CLIP4: variants seen among roughly 807,000 people sequenced by gnomAD.
The protein encoded by CLIP4 is CAP-Gly domain-containing linker protein 4.
A neutral mutation model predicts 73.1 loss-of-function variants in CLIP4; 47 were observed. That is an observed-to-expected ratio of 0.64 (90% CI 0.51 to 0.82). The LOEUF is 0.82. CLIP4 is among the 40% of genes least tolerant of loss of function. The probability of loss-of-function intolerance (pLI) is 0.00; values close to 1 mark genes in which losing one functional copy is unlikely to be tolerated. For synonymous variants in CLIP4, 306 were observed against 295.4 expected (o/e 1.04, Z -0.37); for missense variants, 874 against 852.9 (o/e 1.02, Z -0.31).
chr2:29,175,997 A>G lies in CLIP4; in HGVS notation c.1796+1552A>G, dbSNP rs376323494. On this transcript the variant is annotated intron_variant, in intron 15 of 15. Coordinates refer to ENST00000320081, the MANE Select transcript of CLIP4 (RefSeq NM_024692.6). ...AGGATGGTCTCGATCTCCTGACATC[A>G]TGATCTGCCCACCTTGGCCTCCCAA... Among the ~76,000 whole-genome samples, 895 of 152,300 alleles carry G rather than the reference A, an allele frequency of 5.9e-3. 3 individuals are homozygous for G. The highest frequency in any genetic ancestry group is 0.018 in the African/African-American group (729 of 41,564).
At chr2:29,170,291 T>C (rs550247337) in intron 14 of CLIP4, among the ~76,000 whole-genome samples, 1 of 152,338 alleles carries the variant, frequency 6.6e-6, no homozygotes, top group South Asian at 2.1e-4. Context: ...ATTGCTGGAT[T>C]ATATGATAGT....
chr2:29,100,467 A>G (rs1251511702), intron 1 of CLIP4, among the ~76,000 whole-genome samples: 1 of 152,052 alleles, frequency 6.6e-6, no homozygotes, highest in Non-Finnish European at 1.5e-5. Context: ...CATTAGTGTG[A>G]TACATTTGTT....
chr2:29,107,366 T>TTGTTTTTTTGTTTTTTTTTTTTTTG (rs1558504945), intron 1 of CLIP4, among the ~76,000 whole-genome samples: 2 of 107,516 alleles, frequency 1.9e-5, no homozygotes, highest in African/African-American at 8.2e-5. Flanking sequence ...TAGTTTTTTT[T>TTGTTTTTTTGTTTTTTTTTTTTTTG]TTTTTTTTTT....
At chr2:29,109,353 T>C (rs1668321581) in intron 1 of CLIP4, among the ~76,000 whole-genome samples, 1 of 152,086 alleles carries the variant, frequency 6.6e-6, no homozygotes, top group Non-Finnish European at 1.5e-5. Context: ...TTATGTAGGC[T>C]TTAAGAAGAC....
At chr2:29,181,321 C>A (rs1411242867) in intron 15 of CLIP4, among the ~76,000 whole-genome samples, 1 of 152,064 alleles carries the variant, frequency 6.6e-6, no homozygotes, top group Non-Finnish European at 1.5e-5. Flanking sequence ...TCTTGTTGTC[C>A]CAGGTGGCGG....
chr2:29,099,425 T>G (rs1161339131), intron 1 of CLIP4, among the ~76,000 whole-genome samples: 1 of 152,256 alleles, frequency 6.6e-6, no homozygotes, highest in Non-Finnish European at 1.5e-5. Context: ...CGTATGTGGT[T>G]GTCCAGTTGT....
chr2:29,157,324 C>T lies in CLIP4; in HGVS notation c.1376C>T (p.Ser459Phe). The T allele has an allele frequency of 6.2e-7, 1 of 1,614,076 alleles. No individual in the cohort carries two copies. Among genetic ancestry groups the T allele is most frequent in the Non-Finnish European group, 8.5e-7 (1 of 1,179,942 alleles). The change falls in exon 11 of 16, where the codon TCC (serine) becomes TTC (phenylalanine). Residue 459 changes from serine (S) to phenylalanine (F), a missense_variant. Physicochemically the swap from Ser to Phe is radical, Grantham distance 155 (BLOSUM62 -2). Coordinates refer to ENST00000320081, the MANE Select transcript of CLIP4 (RefSeq NM_024692.6). The part of the protein sequence containing the change: ...SNKKTMSKSP[S>F]LSSRASAGLN... Reference sequence around the variant, plus strand: ...AAGAAGACAATGAGCAAAAGCCCTTCCCTTTCATCCAGAGCCAGTGCTGGT... The same window carrying T: ...AAGAAGACAATGAGCAAAAGCCCTTTCCTTTCATCCAGAGCCAGTGCTGGT...
intron 14 of CLIP4, 36 bp downstream of exon 14, chr2:29,167,576 T>C: frequency 6.7e-7 from 1 of 1,502,186 alleles, no homozygotes; most frequent in Non-Finnish European, 9.0e-7. Context: ...TAATCAATAT[T>C]TCTTTGCTTT....
intron 2 of CLIP4, among the ~76,000 whole-genome samples, chr2:29,122,788 T>C (rs1664346410): frequency 7.8e-6 from 1 of 128,372 alleles, no homozygotes; most frequent in South Asian, 2.5e-4. Context: ...ATCGCATCAC[T>C]GCACTCCAGC....
At chr2:29,180,868 GTA>G (rs370019820) in intron 15 of CLIP4, among the ~76,000 whole-genome samples, 235 of 149,216 alleles carry the variant, frequency 1.6e-3, no homozygotes, top group African/African-American at 5.0e-3. Flanking sequence ...GTGTACACAT[GTA>G]TATATATATA....
chr2:29,118,099 TCATAA>T (rs1023238653), intron 1 of CLIP4: 18 of 152,194 alleles, frequency 1.2e-4, no homozygotes, highest in African/African-American at 4.3e-4. Context: ...GAATGATGAC[TCATAA>T]CAAAGTATTA....
At position 29,163,835 on chromosome 2, in the gene CLIP4, T is replaced by C. The variant is rs751166875; in HGVS notation, c.1539T>C (p.Tyr513=). ...AATGCAATATTCATGTTCTAGGATA[T>C]TGGTATGGTATAGAGCTTGAAAAAC... ...FFGTTNFAPG[Y]WYGIELEKPH... The change falls in exon 13 of 16, where the codon TAT becomes TAC. Residue 513 remains tyrosine, a synonymous_variant. Coordinates refer to ENST00000320081, the MANE Select transcript of CLIP4 (RefSeq NM_024692.6). 70 of 1,611,410 alleles carry C rather than the reference T, an allele frequency of 4.3e-5. No homozygotes were observed. The highest frequency in any genetic ancestry group is 5.5e-5 in the Non-Finnish European group (65 of 1,179,030).
chr2:29,142,448 G>A (rs926305053), intron 6 of CLIP4, among the ~76,000 whole-genome samples: 1 of 151,484 alleles, frequency 6.6e-6, no homozygotes, highest in African/African-American at 2.4e-5. Context: ...ACTTAGCCTG[G>A]GTGTATTTTA....
At chr2:29,098,519 T>C (rs945767122) in intron 1 of CLIP4, among the ~76,000 whole-genome samples, 5 of 152,240 alleles carry the variant, frequency 3.3e-5, no homozygotes, top group African/African-American at 1.2e-4. Flanking sequence ...TTAAGTTTTC[T>C]CCGTTTGTTC....
intron 1 of CLIP4, among the ~76,000 whole-genome samples, chr2:29,107,489 A>G (rs1456928166): frequency 6.9e-6 from 1 of 144,022 alleles, no homozygotes; most frequent in Non-Finnish European, 1.5e-5. Flanking sequence ...CTCCTGCCTC[A>G]GCCTCCCAAG....
At chr2:29,130,573 G>A (rs1664902629) in intron 2 of CLIP4, 1 of 1,090,762 alleles carries the variant, frequency 9.2e-7, no homozygotes, top group Non-Finnish European at 1.1e-6. Flanking sequence ...GTGGGACTTT[G>A]GCTCAGAGGC....
chr2:29,099,321 T>C (rs1041193903), intron 1 of CLIP4, among the ~76,000 whole-genome samples: 5 of 152,252 alleles, frequency 3.3e-5, no homozygotes, highest in African/African-American at 1.2e-4. Context: ...TCTAGATAGA[T>C]GTTTTATAGT....
At chr2:29,098,386 C>T (rs149831636) in intron 1 of CLIP4, among the ~76,000 whole-genome samples, 1 of 152,334 alleles carries the variant, frequency 6.6e-6, no homozygotes, top group African/African-American at 2.4e-5. Context: ...TAAAAGTCTC[C>T]TGTGCTCCAT....
intron 1 of CLIP4, among the ~76,000 whole-genome samples, chr2:29,108,010 GCTTT>G (rs1438290674): frequency 6.7e-6 from 1 of 148,992 alleles, no homozygotes; most frequent in Non-Finnish European, 1.5e-5. Flanking sequence ...TTTTTTTAAA[GCTTT>G]CTATTATGGA....
Sources: allele counts gnomAD v4.1 joint callset (sites outside exome capture counted in the v4.1 genomes callset), GRCh38; gene constraint gnomAD v4.1.1; transcripts MANE v1.5; gene names NCBI Gene and HGNC (gene_info 2026-07-23, HGNC 2026-07-21).